Variants in DAB1 observed in about 807,000 individuals in gnomAD.
DAB1 encodes disabled homolog 1.
In DAB1, 15 loss-of-function variants were observed where a neutral mutation model predicts 64.6. The ratio of observed to expected loss-of-function variants is 0.23; its 90% CI spans 0.16 to 0.36. The LOEUF (loss-of-function observed/expected upper bound fraction) is 0.36. Ranked by LOEUF, DAB1 falls within the 10% of genes least tolerant of loss-of-function variation. DAB1 has a pLI of 1.00. For missense variants in DAB1, 596 were observed against 706.7 expected (o/e 0.84, Z 1.78); for synonymous variants, 235 against 251.9 (o/e 0.93, Z 0.64).
chr1:58,360,723 TGA>T (rs1316273245), intron 3 of DAB1, among the ~76,000 whole-genome samples: 1 of 152,044 alleles, frequency 6.6e-6, no homozygotes, highest in Non-Finnish European at 1.5e-5. Context: ...ACTGCGCTAA[TGA>T]GAGAGTGTCA....
At chr1:58,063,317 A>C (rs1239117529) in intron 5 of DAB1, among the ~76,000 whole-genome samples, 1 of 152,212 alleles carries the variant, frequency 6.6e-6, no homozygotes, top group Non-Finnish European at 1.5e-5. Flanking sequence ...AAGAAAAAAA[A>C]TGACACCTTT....
intron 6 of DAB1, among the ~76,000 whole-genome samples, chr1:57,708,861 C>T (rs1007299442): frequency 6.6e-6 from 1 of 151,974 alleles, no homozygotes; most frequent in Non-Finnish European, 1.5e-5. Flanking sequence ...TTCCTCTCTC[C>T]TTAATATTAT....
At chr1:57,506,862 A>G (rs1356990323) in intron 7 of DAB1, among the ~76,000 whole-genome samples, 4 of 151,422 alleles carry the variant, frequency 2.6e-5, no homozygotes, top group Admixed American at 2.0e-4. Flanking sequence ...TCAATTGCCA[A>G]CTCCCGTAGA....
rs188110959 is a variant in DAB1, at chr1:58,318,639, G to A, written n.309+24713C>T. Among the ~76,000 whole-genome samples, 5 of 152,296 alleles carry A rather than the reference G, an allele frequency of 3.3e-5. No individual in the cohort carries two copies. The East Asian group carries it at 9.7e-4, about 29-fold the overall frequency. Reference sequence around the variant, plus strand: ...CTACCTAAAAAGCAAGTTAGTAGGAGAGCTTGGTCTAGAGCCATGGTTTCT... The same window carrying A: ...CTACCTAAAAAGCAAGTTAGTAGGAAAGCTTGGTCTAGAGCCATGGTTTCT... On this transcript the variant is annotated intron_variant and non_coding_transcript_variant, in intron 4 of 20. Transcript: ENST00000485760.
chr1:57,146,157 G>A (rs923583099), intron 2 of DAB1, among the ~76,000 whole-genome samples: 7 of 152,148 alleles, frequency 4.6e-5, no homozygotes, highest in South Asian at 2.1e-4. Flanking sequence ...CTGAGCAAGC[G>A]CTTCATGCCA....
intron 1 of DAB1, among the ~76,000 whole-genome samples, chr1:57,873,743 G>A (rs1203693808): frequency 6.6e-6 from 1 of 152,074 alleles, no homozygotes; most frequent in African/African-American, 2.4e-5. Context: ...TTTCCTCATG[G>A]GGACAATAAG....
chr1:57,863,485 A>G (rs852807), intron 1 of DAB1, among the ~76,000 whole-genome samples: 86,632 of 152,006 alleles, frequency 0.57, 24,869 homozygotes, highest in Admixed American at 0.64. Flanking sequence ...TGATCATATA[A>G]CAAGATGGCC....
chr1:58,399,550 A>T lies in DAB1; in HGVS notation n.258-56147T>A, dbSNP rs576911213. ...TTGCCCAGGTTCACACAGCTGGTAA[A>T]TGGTGAATCTGAGAACCAAACTCCT... On this transcript the variant is annotated intron_variant and non_coding_transcript_variant, in intron 3 of 20. Coordinates refer to the DAB1 transcript ENST00000485760. Among the ~76,000 whole-genome samples, 7 of 152,340 alleles carry T rather than the reference A, an allele frequency of 4.6e-5. No homozygotes were observed. The South Asian group carries it at 1.5e-3, about 32-fold the overall frequency.
intron 7 of DAB1, among the ~76,000 whole-genome samples, chr1:57,633,920 T>C (rs2101631669): frequency 6.6e-6 from 1 of 152,350 alleles, no homozygotes; most frequent in African/African-American, 2.4e-5. Flanking sequence ...TCAATATTTT[T>C]AATGGTCATA....
chr1:58,494,619 G>C (rs1645762699), intron 3 of DAB1, among the ~76,000 whole-genome samples: 1 of 152,100 alleles, frequency 6.6e-6, no homozygotes, highest in Non-Finnish European at 1.5e-5. Flanking sequence ...GATATGAACA[G>C]ACACTTCTCA....
At chr1:58,544,755 G>T (rs745444787) in intron 1 of DAB1, among the ~76,000 whole-genome samples, 1 of 152,060 alleles carries the variant, frequency 6.6e-6, no homozygotes, top group Non-Finnish European at 1.5e-5. Context: ...TACCACATCT[G>T]GCTAATTTTT....
intron 3 of DAB1, among the ~76,000 whole-genome samples, chr1:58,348,942 A>C (rs1390709207): frequency 6.6e-6 from 1 of 152,162 alleles, no homozygotes; most frequent in South Asian, 2.1e-4. Context: ...CTTGGGGCTG[A>C]CTGTAGTCCA....
chr1:57,291,386 T>G (rs1413900093), intron 1 of DAB1, among the ~76,000 whole-genome samples: 1 of 152,142 alleles, frequency 6.6e-6, no homozygotes, highest in Admixed American at 6.5e-5. Context: ...TCAAAATAGA[T>G]CTTTAAAAGT....
At chr1:58,339,390 AT>A (rs1364253158) in intron 4 of DAB1, among the ~76,000 whole-genome samples, 1 of 152,228 alleles carries the variant, frequency 6.6e-6, no homozygotes, top group Non-Finnish European at 1.5e-5. Flanking sequence ...CAAGGAGCTT[AT>A]ATTTGGCAGG....
intron 4 of DAB1, among the ~76,000 whole-genome samples, chr1:58,230,304 A>T (rs1659715265): frequency 6.6e-6 from 1 of 152,166 alleles, no homozygotes; most frequent in Admixed American, 6.5e-5. Context: ...TTAAAGAGAG[A>T]GCAAAATGGT....
chr1:57,773,250 T>A (rs934249428), intron 6 of DAB1, among the ~76,000 whole-genome samples: 4 of 151,950 alleles, frequency 2.6e-5, no homozygotes, highest in Middle Eastern at 3.4e-3. Flanking sequence ...ATTAGCTAAT[T>A]ACATGTGTGT....
Position 57,405,587 on chromosome 1 carries a change from C to G in DAB1, c.-137+18343G>C, listed in dbSNP as rs1008367322. Among the ~76,000 whole-genome samples the G allele has an allele frequency of 1.2e-4, 19 of 152,200 alleles. No individual in the cohort carries two copies. The East Asian group carries it at 3.7e-3, about 29-fold the overall frequency. On this transcript the variant is annotated intron_variant, in intron 1 of 14. Coordinates refer to ENST00000371236, the MANE Select transcript of DAB1 (RefSeq NM_001365792.1). Reference sequence around the variant, plus strand: ...CAAATTTTTAAACAGAGGGATTTCACACGAAAACAAGATGTCTAGCTTTTC... The same window carrying G: ...CAAATTTTTAAACAGAGGGATTTCAGACGAAAACAAGATGTCTAGCTTTTC...
chr1:57,090,246 A>G (rs1378990075), intron 4 of DAB1, among the ~76,000 whole-genome samples: 1 of 152,202 alleles, frequency 6.6e-6, no homozygotes, highest in Non-Finnish European at 1.5e-5. Flanking sequence ...ATTAGCGAGG[A>G]GCCCTTAATT....
At chr1:57,353,035 T>C (rs1678714772) in intron 1 of DAB1, among the ~76,000 whole-genome samples, 1 of 152,036 alleles carries the variant, frequency 6.6e-6, no homozygotes, top group Non-Finnish European at 1.5e-5. Flanking sequence ...TGCCAGACTC[T>C]GTAATCATAT....
Sources: allele counts gnomAD v4.1 joint callset (sites outside exome capture counted in the v4.1 genomes callset), GRCh38; gene constraint gnomAD v4.1.1; transcripts MANE v1.5; gene names NCBI Gene and HGNC (gene_info 2026-07-23, HGNC 2026-07-21).